Variants in CSMD1 observed in about 807,000 individuals in gnomAD.
CSMD1 encodes the protein CUB and sushi domain-containing protein 1.
CSMD1 carries 213 observed loss-of-function variants against 417.5 expected under a neutral mutation model. That is an observed-to-expected ratio of 0.51 (90% CI 0.46 to 0.57). The LOEUF (loss-of-function observed/expected upper bound fraction) is 0.57. Ranked by LOEUF, CSMD1 falls within the 20% of genes least tolerant of loss-of-function variation. CSMD1 has a pLI of 0.00. For missense variants in CSMD1, 6,923 were observed against 4,529.7 expected (o/e 1.53, Z -15.17); for synonymous variants, 2,862 against 1,736.8 (o/e 1.65, Z -16.11).
At chr8:3,324,886 T>TC in intron 23 of CSMD1, among the ~76,000 whole-genome samples, 1 of 152,198 alleles carries the variant, frequency 6.6e-6, no homozygotes, top group Non-Finnish European at 1.5e-5. Context: ...TGGTATGTTT[T>TC]CATGTTCCTC....
chr8:4,690,535 T>A (rs971047656), intron 1 of CSMD1, among the ~76,000 whole-genome samples: 2 of 152,220 alleles, frequency 1.3e-5, no homozygotes. Context: ...AAAATCTATC[T>A]GTCATGACAC....
chr8:3,689,395 G>A lies in CSMD1; in HGVS notation c.1009+19019C>T, dbSNP rs928356346. ...CATCAGAAATGCCAGAGTCCCCTTC[G>A]GTTATACAATGTTTCAGGAAGAAAG... On this transcript the variant is annotated intron_variant, in intron 7 of 69. Coordinates refer to ENST00000635120, the MANE Select transcript of CSMD1 (RefSeq NM_033225.6). Among the ~76,000 whole-genome samples the A allele has an allele frequency of 5.9e-5, 9 of 152,122 alleles. 1 individual carries two copies. The highest frequency in any genetic ancestry group is 4.1e-4 in the South Asian group (2 of 4,826).
At chr8:4,277,325 T>G (rs991990643) in intron 3 of CSMD1, among the ~76,000 whole-genome samples, 1 of 152,094 alleles carries the variant, frequency 6.6e-6, no homozygotes, top group Non-Finnish European at 1.5e-5. Context: ...CGGGACTGAC[T>G]TCCCTTGGAT....
chr8:3,996,591 G>A lies in CSMD1; in HGVS notation c.818+1312C>T, dbSNP rs1037706995. On this transcript the variant is annotated intron_variant, in intron 5 of 69. Transcript: ENST00000635120. ...CATGAACTCTAATGTTAGACATAGC[G>A]AGATAGGTAATAATTTAAACAAATT... Among the ~76,000 whole-genome samples, 7 of 152,052 alleles carry A rather than the reference G, an allele frequency of 4.6e-5. 1 individual carries two copies. The South Asian group carries it at 1.0e-3, about 23-fold the overall frequency.
intron 10 of CSMD1, among the ~76,000 whole-genome samples, chr8:3,494,632 G>C (rs928717282): frequency 2.0e-5 from 3 of 152,034 alleles, no homozygotes; most frequent in African/African-American, 7.2e-5. Flanking sequence ...ATAGATGACA[G>C]ACTGGATGGA....
chr8:3,988,217 A>C (rs1319935093), intron 5 of CSMD1, among the ~76,000 whole-genome samples: 1 of 152,144 alleles, frequency 6.6e-6, no homozygotes, highest in African/African-American at 2.4e-5. Context: ...TGAATCCTAA[A>C]TCTGAAACTC....
chr8:4,592,490 G>A (rs1189780627), intron 2 of CSMD1, among the ~76,000 whole-genome samples: 2 of 152,002 alleles, frequency 1.3e-5, no homozygotes, highest in East Asian at 1.9e-4. Flanking sequence ...AGGTTTAAGC[G>A]ATTCTCCTGC....
In CSMD1 at chr8:3,873,863, T is replaced by C. The variant is rs144874279; in HGVS notation, c.819-119821A>G. Among the ~76,000 whole-genome samples the C allele has an allele frequency of 2.1e-3, 321 of 152,226 alleles. 2 individuals are homozygous for C. The highest frequency in any genetic ancestry group is 7.5e-3 in the African/African-American group (312 of 41,540). On this transcript the variant is annotated intron_variant, in intron 5 of 69. Transcript: ENST00000635120. The stretch of plus-strand genomic sequence containing the variant: ...CTGGATGTTAGGAACACAGAGGAGA[T>C]ATTCATTTAAGCCAGACTGGCTGAA...
intron 25 of CSMD1, among the ~76,000 whole-genome samples, chr8:3,300,112 T>C (rs183528997): frequency 3.9e-5 from 6 of 152,310 alleles, no homozygotes; most frequent in African/African-American, 1.4e-4. Flanking sequence ...ATTCAGGCAA[T>C]GGAATACTAT....
chr8:3,313,743 C>G (rs966077739), intron 23 of CSMD1, among the ~76,000 whole-genome samples: 4 of 152,130 alleles, frequency 2.6e-5, no homozygotes, highest in African/African-American at 9.7e-5. Flanking sequence ...CTAGAAATAC[C>G]ATTTGACCCA....
chr8:3,575,231 T>G (rs2116941970), intron 9 of CSMD1, among the ~76,000 whole-genome samples, 165 bp from the exon 10 acceptor site: 1 of 150,126 alleles, frequency 6.7e-6, no homozygotes, highest in South Asian at 2.1e-4. Flanking sequence ...AGTCAGCAAG[T>G]GGATTGCTCA....
chr8:3,409,424 T>A lies in CSMD1; in HGVS notation c.1743A>T (p.Val581=). Residue 581 remains valine, a splice_region_variant and synonymous_variant, in exon 13 of 70, where the codon GTA becomes GTT. Transcript: ENST00000635120. ...NQWSGNKPSC[V]FSCFFNFTAS... ...TCCAGGTCAAGGCATAATACTCACA[T>A]ACACAGCTGGGCTTGTTGCCAGACC... 6.2e-7 allele frequency: 1 copy of A among 1,607,278 alleles called. No individual in the cohort carries two copies. The highest frequency in any genetic ancestry group is 8.5e-7 in the Non-Finnish European group (1 of 1,176,830).
At position 3,421,511 on chromosome 8, in the gene CSMD1, T is replaced by C. The variant is rs571262843; in HGVS notation, c.1562-11906A>G. On this transcript the variant is annotated intron_variant, in intron 12 of 69. Coordinates refer to ENST00000635120, the MANE Select transcript of CSMD1 (RefSeq NM_033225.6). ...ACAAAGAATAGAGGAGTTCTCACTA[T>C]GAAAATAACAATTTTGTAGACTTTA... Among the ~76,000 whole-genome samples the C allele has an allele frequency of 3.9e-5, 6 of 152,232 alleles. No individual in the cohort carries two copies. The East Asian group carries it at 9.6e-4, about 24-fold the overall frequency.
intron 5 of CSMD1, among the ~76,000 whole-genome samples, chr8:3,838,840 T>C (rs1242951461): frequency 8.2e-6 from 1 of 122,162 alleles, no homozygotes; most frequent in Non-Finnish European, 1.6e-5. Flanking sequence ...TAATATTAAT[T>C]ATATATACTA....
At chr8:4,821,586 C>T (rs1189798667) in intron 1 of CSMD1, among the ~76,000 whole-genome samples, 2 of 152,100 alleles carry the variant, frequency 1.3e-5, no homozygotes, top group Admixed American at 1.3e-4. Context: ...AGGGCTCTTC[C>T]TACAGAGTCT....
At chr8:4,579,103 G>A (rs866239007) in intron 2 of CSMD1, among the ~76,000 whole-genome samples, 2 of 151,806 alleles carry the variant, frequency 1.3e-5, no homozygotes, top group Non-Finnish European at 2.9e-5. Context: ...AAAGAGTAAG[G>A]ACAATAAAAC....
chr8:3,949,106 G>A (rs1811433876), intron 5 of CSMD1, among the ~76,000 whole-genome samples: 1 of 152,120 alleles, frequency 6.6e-6, no homozygotes, highest in Non-Finnish European at 1.5e-5. Context: ...TATTTATGAT[G>A]TGCGATATAA....
chr8:4,916,518 C>T (rs1180176765), intron 1 of CSMD1, among the ~76,000 whole-genome samples: 4 of 152,182 alleles, frequency 2.6e-5, no homozygotes, highest in Admixed American at 2.6e-4. Flanking sequence ...AATATGAAAG[C>T]TAAATGCAGT....
chr8:4,953,397 T>C (rs1259557015), intron 1 of CSMD1, among the ~76,000 whole-genome samples: 1 of 152,152 alleles, frequency 6.6e-6, no homozygotes, highest in African/African-American at 2.4e-5. Flanking sequence ...TCAACACATG[T>C]AATCAATATG....
Sources: allele counts gnomAD v4.1 joint callset (sites outside exome capture counted in the v4.1 genomes callset), GRCh38; gene constraint gnomAD v4.1.1; transcripts MANE v1.5; gene names NCBI Gene and HGNC (gene_info 2026-07-23, HGNC 2026-07-21).